ZNF783: variants seen among roughly 807,000 people sequenced by gnomAD.
The protein encoded by ZNF783 is zinc finger protein 783.
ZNF783 carries 25 observed loss-of-function variants against 31.3 expected under a neutral mutation model. That is an observed-to-expected ratio of 0.80 (90% CI 0.58 to 1.11). The LOEUF (loss-of-function observed/expected upper bound fraction) is 1.11. ZNF783 is among the 50% of genes most tolerant of loss of function. The pLI, the probability that ZNF783 is intolerant of heterozygous loss-of-function variation, is 0.00. For synonymous variants in ZNF783, 369 were observed against 319.1 expected (o/e 1.16, Z -1.66); for missense variants, 797 against 760.0 (o/e 1.05, Z -0.57).
intron 4 of ZNF783, chr7:149,276,612 C>T: frequency 1.0e-6 from 1 of 985,244 alleles, no homozygotes; most frequent in Non-Finnish European, 1.2e-6. Flanking sequence ...AGAAGAGAAC[C>T]TCAGTTGAGG....
rs1293077079 is a variant in ZNF783 at position 149,284,764 on chromosome 7, C to T, written c.*2421C>T. On this transcript the variant is annotated 3_prime_UTR_variant, in exon 6 of 6. Coordinates refer to ENST00000434415, the MANE Select transcript of ZNF783 (RefSeq NM_001195220.2). ...CTAGCACTCAGACCTGTTTAAGTAA[C>T]GTTCTTTACATTGAAACAAGTCAAC... is the stretch of plus-strand genomic sequence containing the variant. The T allele has an allele frequency of 1.3e-5, 2 of 152,180 alleles. No individual in the cohort carries two copies. Among genetic ancestry groups the T allele is most frequent in the African/African-American group, 4.8e-5 (2 of 41,434 alleles). The allele number at this position is 152,180 out of a possible 1,614,324, so 9.4% of individuals were successfully genotyped here.
At chr7:149,278,114 C>G (rs1249140741) in intron 4 of ZNF783, 6 of 1,172,804 alleles carry the variant, frequency 5.1e-6, no homozygotes, top group Middle Eastern at 3.7e-4. Flanking sequence ...TGGTGTTTCT[C>G]TTTCCTGCCT....
At chr7:149,268,305 A>G (rs892255927) in intron 4 of ZNF783, among the ~76,000 whole-genome samples, 2 of 152,102 alleles carry the variant, frequency 1.3e-5, no homozygotes, top group African/African-American at 4.8e-5. Context: ...AATGTTTTCT[A>G]TGGGTCTTTG....
At chr7:149,276,739 A>G (rs1057334173) in intron 4 of ZNF783, 26 of 522,102 alleles carry the variant, frequency 5.0e-5, no homozygotes, top group Admixed American at 6.4e-5. Flanking sequence ...TGGCACAATC[A>G]TGGCTCACTG....
chr7:149,279,384 A>G (rs1797407397), intron 5 of ZNF783, among the ~76,000 whole-genome samples: 1 of 152,230 alleles, frequency 6.6e-6, no homozygotes, highest in East Asian at 1.9e-4. Flanking sequence ...ATGCTGAGGG[A>G]CAAGTCATTA....
chr7:149,265,168 G>A (rs964531196), intron 1 of ZNF783, among the ~76,000 whole-genome samples: 2 of 152,180 alleles, frequency 1.3e-5, no homozygotes, highest in Non-Finnish European at 2.9e-5. Flanking sequence ...AACCATGAAG[G>A]ATGAATGAAA....
At chr7:149,263,300 G>GTATA (rs1192944583) in intron 1 of ZNF783, among the ~76,000 whole-genome samples, 2 of 74,282 alleles carry the variant, frequency 2.7e-5, no homozygotes, top group Non-Finnish European at 5.4e-5. Flanking sequence ...GTGTGTGTGT[G>GTATA]TGTGTATATA....
intron 5 of ZNF783, among the ~76,000 whole-genome samples, chr7:149,280,620 T>G (rs562021906): frequency 1.3e-5 from 2 of 152,324 alleles, no homozygotes; most frequent in East Asian, 3.9e-4. Context: ...ATCCCAGGCA[T>G]GTGGTCCGAT....
chr7:149,273,264 T>C (rs1463677739), intron 4 of ZNF783, among the ~76,000 whole-genome samples: 3 of 152,214 alleles, frequency 2.0e-5, no homozygotes, highest in Non-Finnish European at 2.9e-5. Flanking sequence ...TGGGTATTAC[T>C]TAGCAGTGGG....
rs1455914350 is a variant in ZNF783 at position 149,266,587 on chromosome 7, G to A, written c.277G>A (p.Glu93Lys). 1 of 1,614,236 alleles carries A rather than the reference G, an allele frequency of 6.2e-7. No individual in the cohort carries two copies. Among genetic ancestry groups the A allele is most frequent in the South Asian group, 1.1e-5 (1 of 91,080 alleles). The change falls in exon 2 of 6, where the codon GAG (glutamate) becomes AAG (lysine). Residue 93 changes from glutamate (E) to lysine (K), a missense_variant. Transcript: ENST00000434415. ...KTAVEFGNQLEGKWAVLGTLL... is the reference protein window; with the variant it reads ...KTAVEFGNQLKGKWAVLGTLL... ...AGCTGTGGAGTTCGGGAACCAGCTG[G>A]AGGGCAAGTGGGCCGTGCTGGGGAC...
chr7:149,282,880 C>G lies in ZNF783; in HGVS notation c.*537C>G, dbSNP rs1205548666. On this transcript the variant is annotated 3_prime_UTR_variant, in exon 6 of 6. Transcript: ENST00000434415. ...AATGGAACTTTGCCTTTTGCAAAGT[C>G]GGAAAGAGTCGGCTTTTCCATGTGA... 2 of 152,234 alleles carry G rather than the reference C, an allele frequency of 1.3e-5. No homozygotes were observed. Among genetic ancestry groups the G allele is most frequent in the Admixed American group, 1.3e-4 (2 of 15,262 alleles). The allele number at this position is 152,234 out of a possible 1,614,324, so 9.4% of individuals were successfully genotyped here.
At chr7:149,272,080 C>T (rs1229708162) in intron 4 of ZNF783, among the ~76,000 whole-genome samples, 2 of 152,086 alleles carry the variant, frequency 1.3e-5, no homozygotes, top group Admixed American at 6.6e-5. Flanking sequence ...TGCAGTGGCA[C>T]GATCTCGTCT....
intron 1 of ZNF783, among the ~76,000 whole-genome samples, chr7:149,262,655 T>C (rs4727033): frequency 0.55 from 83,759 of 151,986 alleles, 23,354 homozygotes; most frequent in African/African-American, 0.62. Context: ...GCCTTAGGAG[T>C]ATTGTCCCAT....
chr7:149,282,178 G>T lies in ZNF783; in HGVS notation c.1476G>T (p.Arg492=). Reference sequence around the variant, plus strand: ...ACCAGCGCATCCACACCGGTGAGCGGCCCTACCAGTGCCCCCAGTGTGGCC... The same window carrying T: ...ACCAGCGCATCCACACCGGTGAGCGTCCCTACCAGTGCCCCCAGTGTGGCC... The part of the protein sequence containing the change: ...FRHQRIHTGE[R]PYQCPQCGRT... The change falls in exon 6 of 6, where the codon CGG becomes CGT. Residue 492 remains arginine (R), a synonymous_variant. Transcript: ENST00000434415. The T allele has an allele frequency of 6.2e-7, 1 of 1,600,932 alleles. No homozygotes were observed.
Position 149,282,359 on chromosome 7 carries a change from C to T in ZNF783, c.*16C>T, listed in dbSNP as rs1307851649. 3 of 1,472,188 alleles carry T rather than the reference C, an allele frequency of 2.0e-6. No individual in the cohort carries two copies. The African/African-American group carries it at 4.2e-5, about 21-fold the overall frequency. The allele number at this position is 1,472,188 out of a possible 1,614,324, so 91.2% of individuals were successfully genotyped here. A position where few individuals can be genotyped will look rare whatever the true frequency, so the allele number is the denominator to read the frequency against. On this transcript the variant is annotated 3_prime_UTR_variant, in exon 6 of 6. Transcript: ENST00000434415. ...GGAGGGCTGACCTGGCAGGAGCCCA[C>T]AGAGGACCCCTGGCGGGGTCTCTCC...
intron 1 of ZNF783, among the ~76,000 whole-genome samples, chr7:149,262,900 T>A (rs116477643): frequency 0.017 from 2,658 of 152,280 alleles, 79 homozygotes; most frequent in African/African-American, 0.06. Flanking sequence ...TAGATTTTTT[T>A]AAAAAAGATT....
intron 1 of ZNF783, 45 bp downstream of exon 1, chr7:149,262,402 C>A: frequency 8.2e-7 from 1 of 1,213,100 alleles, no homozygotes. Context: ...CCCAGGCCGC[C>A]GCCGCGTGAG....
chr7:149,280,695 G>T (rs1797445987), intron 5 of ZNF783, among the ~76,000 whole-genome samples: 1 of 151,700 alleles, frequency 6.6e-6, no homozygotes, highest in African/African-American at 2.4e-5. Flanking sequence ...CGTGTCCACA[G>T]TCTGTGTCCC....
rs757880360 is a variant in ZNF783 at position 149,282,968 on chromosome 7, G to GTTT, written c.*627_*628insTTT. ...CTGTGGGTCTTTTGGTTTTTTTTTTGTTGTTGTTGTTGTTTTTTTAAGATG... is the reference window on the plus strand; with the variant it reads ...CTGTGGGTCTTTTGGTTTTTTTTTTGTTTTTGTTGTTGTTGTTTTTTTAAGATG... On this transcript the variant is annotated 3_prime_UTR_variant, in exon 6 of 6. Transcript: ENST00000434415. The GTTT allele has an allele frequency of 8.4e-6, 1 of 119,678 alleles. No individual in the cohort carries two copies. The highest frequency in any genetic ancestry group is 1.7e-5 in the Non-Finnish European group (1 of 59,212). The allele number at this position is 119,678 out of a possible 1,614,324, so 7.4% of individuals were successfully genotyped here.
Sources: allele counts gnomAD v4.1 joint callset (sites outside exome capture counted in the v4.1 genomes callset), GRCh38; gene constraint gnomAD v4.1.1; transcripts MANE v1.5; gene names NCBI Gene and HGNC (gene_info 2026-07-23, HGNC 2026-07-21).